XRCC4: variants seen among roughly 807,000 people sequenced by gnomAD.
XRCC4 encodes DNA repair protein XRCC4.
XRCC4 carries 28 observed loss-of-function variants against 39.1 expected under a neutral mutation model. The ratio of observed to expected loss-of-function variants is 0.72; its 90% confidence interval spans 0.53 to 0.98. The LOEUF (loss-of-function observed/expected upper bound fraction) is 0.98. Among genes scored for constraint, XRCC4 ranks in the 50% least tolerant of loss-of-function variants. XRCC4 has a pLI of 0.00. For missense variants in XRCC4, 350 were observed against 376.4 expected (o/e 0.93, Z 0.58); for synonymous variants, 123 against 126.4 (o/e 0.97, Z 0.18).
chr5:83,179,728 T>A (rs1397930420), intron 3 of XRCC4, among the ~76,000 whole-genome samples: 1 of 152,150 alleles, frequency 6.6e-6, no homozygotes, highest in East Asian at 1.9e-4. Context: ...TACAGTCAGA[T>A]TAGTCTAATC....
intron 3 of XRCC4, among the ~76,000 whole-genome samples, chr5:83,174,103 C>T (rs766942511): frequency 1.3e-5 from 2 of 152,180 alleles, no homozygotes; most frequent in Non-Finnish European, 2.9e-5. Context: ...CTGTGACAGG[C>T]ACACCAGGCA....
chr5:83,194,078 G>C (rs187149744), intron 3 of XRCC4, among the ~76,000 whole-genome samples: 1 of 152,076 alleles, frequency 6.6e-6, no homozygotes, highest in Non-Finnish European at 1.5e-5. Flanking sequence ...GCTTATAAGC[G>C]TGCACCACCA....
intron 7 of XRCC4, among the ~76,000 whole-genome samples, chr5:83,265,163 T>C (rs1367242049): frequency 6.6e-6 from 1 of 152,196 alleles, no homozygotes; most frequent in East Asian, 1.9e-4. Flanking sequence ...TTGAAAATTA[T>C]GTTTTTTAAA....
intron 3 of XRCC4, among the ~76,000 whole-genome samples, chr5:83,123,610 T>C (rs1387739696): frequency 6.6e-6 from 1 of 152,064 alleles, no homozygotes; most frequent in African/African-American, 2.4e-5. Context: ...TTTTATTTAC[T>C]TGTTCCTCTC....
chr5:83,314,973 T>C (rs756880583), intron 7 of XRCC4, among the ~76,000 whole-genome samples: 3 of 152,038 alleles, frequency 2.0e-5, no homozygotes, highest in Non-Finnish European at 2.9e-5. Context: ...AAGCTAGAAA[T>C]GATTAAGCTT....
At chr5:83,232,289 G>A (rs1026453441) in intron 6 of XRCC4, among the ~76,000 whole-genome samples, 11 of 151,884 alleles carry the variant, frequency 7.2e-5, no homozygotes, top group African/African-American at 2.7e-4. Context: ...TTGTGTACTG[G>A]CCTGTTTGTG....
At chr5:83,370,229 C>G in the XRCC4 span, among the ~76,000 whole-genome samples, 1 of 152,112 alleles carries the variant, frequency 6.6e-6, no homozygotes, top group Non-Finnish European at 1.5e-5. Flanking sequence ...AATGTAGTCA[C>G]AAGACCTCTG....
At chr5:83,093,547 T>A (rs1385296777) in intron 1 of XRCC4, among the ~76,000 whole-genome samples, 1 of 152,186 alleles carries the variant, frequency 6.6e-6, no homozygotes, top group East Asian at 1.9e-4. Context: ...CTGGGATAGA[T>A]TGTATGTTAG....
chr5:83,354,423 T>C (rs1757166469), downstream of XRCC4, among the ~76,000 whole-genome samples: 1 of 152,308 alleles, frequency 6.6e-6, no homozygotes, highest in East Asian at 1.9e-4. Context: ...TATGTTAATA[T>C]CTCCAAAATT....
At chr5:83,165,436 TGAG>T (rs1387391480) in intron 3 of XRCC4, among the ~76,000 whole-genome samples, 1 of 152,156 alleles carries the variant, frequency 6.6e-6, no homozygotes, top group Admixed American at 6.5e-5. Flanking sequence ...TTGAAATTAC[TGAG>T]GAGAATGATA....
At chr5:83,231,366 C>T (rs1175982975) in intron 6 of XRCC4, among the ~76,000 whole-genome samples, 2 of 152,092 alleles carry the variant, frequency 1.3e-5, no homozygotes, top group East Asian at 1.9e-4. Context: ...TTCTAAAAGG[C>T]AGTTGAGTTT....
chr5:83,099,734 G>T (rs779765745), intron 1 of XRCC4, among the ~76,000 whole-genome samples: 5 of 152,134 alleles, frequency 3.3e-5, no homozygotes, highest in Non-Finnish European at 7.4e-5. Flanking sequence ...GCTGGGAGAG[G>T]TGCTGATACT....
At chr5:83,126,761 G>A (rs978818890) in intron 3 of XRCC4, among the ~76,000 whole-genome samples, 3 of 152,140 alleles carry the variant, frequency 2.0e-5, no homozygotes, top group African/African-American at 7.2e-5. Flanking sequence ...CTGTAATGTG[G>A]GCTGTGCCAG....
intron 6 of XRCC4, among the ~76,000 whole-genome samples, chr5:83,251,737 C>A (rs913526812): frequency 5.3e-5 from 8 of 152,092 alleles, no homozygotes; most frequent in Admixed American, 3.3e-4. Flanking sequence ...AGGTATTTGT[C>A]ATTAAGTCTG....
At chr5:83,158,021 T>C (rs1212801197) in intron 3 of XRCC4, among the ~76,000 whole-genome samples, 1 of 152,120 alleles carries the variant, frequency 6.6e-6, no homozygotes, top group Admixed American at 6.5e-5. Flanking sequence ...ATGGGTAATA[T>C]TTACTCAAAT....
chr5:83,145,237 T>A (rs1382372), intron 3 of XRCC4, among the ~76,000 whole-genome samples: 1 of 151,978 alleles, frequency 6.6e-6, no homozygotes, highest in Non-Finnish European at 1.5e-5. Context: ...TAATAGCTAA[T>A]TAAAAATCCT....
chr5:83,110,264 A>G (rs1746381621), intron 2 of XRCC4, among the ~76,000 whole-genome samples: 1 of 152,084 alleles, frequency 6.6e-6, no homozygotes, highest in Admixed American at 6.5e-5. Context: ...CAGGAGCCAC[A>G]CATAAATACA....
intron 7 of XRCC4, among the ~76,000 whole-genome samples, chr5:83,282,594 A>G (rs988183834): frequency 1.3e-5 from 2 of 152,088 alleles, no homozygotes; most frequent in African/African-American, 4.8e-5. Flanking sequence ...CTGTAATCCC[A>G]GCACTTTGGG....
intron 3 of XRCC4, among the ~76,000 whole-genome samples, chr5:83,176,659 G>A (rs941993737): frequency 6.9e-6 from 1 of 145,568 alleles, no homozygotes; most frequent in Non-Finnish European, 1.5e-5. Context: ...GTCTCACTCT[G>A]TCACCCAGGC....
Sources: gnomAD v4.1 joint callset for allele counts (sites outside exome capture counted in the v4.1 genomes callset) on GRCh38, gnomAD v4.1.1 for gene constraint, MANE v1.5 for transcripts, NCBI Gene and HGNC (gene_info 2026-07-23, HGNC 2026-07-21) for gene names.